GDAP1: variants seen among roughly 807,000 people sequenced by gnomAD.
GDAP1 encodes the protein ganglioside induced differentiation associated protein 1.
In GDAP1, 34 loss-of-function variants were observed where a neutral mutation model predicts 40.1. The ratio of observed to expected loss-of-function variants is 0.85; its 90% CI spans 0.64 to 1.13. The LOEUF (loss-of-function observed/expected upper bound fraction) is 1.13. Ranked by LOEUF, GDAP1 falls within the 50% of genes most tolerant of loss-of-function variation. The pLI is 0.00. For missense variants in GDAP1, 374 were observed against 433.7 expected (o/e 0.86, Z 1.22); for synonymous variants, 170 against 157.4 (o/e 1.08, Z -0.60).
intron 2 of GDAP1, among the ~76,000 whole-genome samples, chr8:74,354,444 A>G (rs10504576): frequency 0.47 from 71,457 of 152,100 alleles, 16,790 homozygotes; most frequent in Middle Eastern, 0.54. Context: ...AATGATTTGA[A>G]TAGACATGGA....
At chr8:74,460,266 C>G (rs138697645) in intron 2 of GDAP1, among the ~76,000 whole-genome samples, 1 of 152,276 alleles carries the variant, frequency 6.6e-6, no homozygotes, top group Non-Finnish European at 1.5e-5. Context: ...GTTGATCAAG[C>G]ATTTGTTGAT....
intron 2 of GDAP1, among the ~76,000 whole-genome samples, chr8:74,437,310 G>T (rs1353371513): frequency 1.3e-5 from 2 of 152,124 alleles, no homozygotes; most frequent in East Asian, 3.8e-4. Context: ...TAAGTGACTT[G>T]CTTGTTGAAG....
chr8:74,450,685 A>AT (rs1178919418), intron 2 of GDAP1, among the ~76,000 whole-genome samples: 1 of 20,182 alleles, frequency 5.0e-5, no homozygotes, highest in Non-Finnish European at 9.8e-5. Flanking sequence ...TCTGTAAAGT[A>AT]TATATCTTGT....
At chr8:74,399,054 C>T (rs1201295860) in intron 2 of GDAP1, among the ~76,000 whole-genome samples, 2 of 152,022 alleles carry the variant, frequency 1.3e-5, no homozygotes, top group Non-Finnish European at 2.9e-5. Flanking sequence ...CAGGATGATA[C>T]TGGCCTCATA....
intron 2 of GDAP1, among the ~76,000 whole-genome samples, chr8:74,411,652 T>C (rs1318622766): frequency 6.8e-6 from 1 of 146,592 alleles, no homozygotes; most frequent in East Asian, 2.0e-4. Flanking sequence ...GAGTCCAAGG[T>C]GGGAAGATCG....
intron 2 of GDAP1, among the ~76,000 whole-genome samples, chr8:74,354,462 C>T (rs1266827113): frequency 1.3e-5 from 2 of 152,066 alleles, no homozygotes; most frequent in East Asian, 3.8e-4. Context: ...GGAAGAAATA[C>T]GATTACATTT....
intron 2 of GDAP1, among the ~76,000 whole-genome samples, chr8:74,470,938 C>T (rs1306786810): frequency 6.6e-6 from 1 of 152,206 alleles, no homozygotes; most frequent in African/African-American, 2.4e-5. Context: ...TTAATGATCG[C>T]CATTCTAACT....
At chr8:74,430,070 T>C (rs1806006769) in intron 2 of GDAP1, among the ~76,000 whole-genome samples, 1 of 152,142 alleles carries the variant, frequency 6.6e-6, no homozygotes, top group Admixed American at 6.5e-5. Context: ...ATATGACTTA[T>C]AGCCATATAA....
rs576453916 is a variant in GDAP1 at position 74,407,505 on chromosome 8, A to C, written c.165+56184A>C. Among the ~76,000 whole-genome samples the C allele has an allele frequency of 4.0e-5, 6 of 149,700 alleles. No individual in the cohort carries two copies. In the South Asian group the frequency reaches 1.2e-3, roughly 31 times the overall value. ...GGCCTCCACCTTTCTCCCGTGCTGG[A>C]TGCTTCCTGCCCTTGAACATCAGAC... On this transcript the variant is annotated intron_variant, in intron 2 of 2. Transcript: ENST00000523640.
Position 74,364,046 on chromosome 8 carries a change from T to C in GDAP1, c.756T>C (p.Ala252=), listed in dbSNP as rs1022239867. Residue 252 remains alanine, a synonymous_variant, in exon 6 of 6, where the codon GCT becomes GCC. Transcript: ENST00000220822. Reference sequence around the variant, plus strand: ...TCACCCTGGCAGACGTCTCACTCGCTGTCACATTGCATCGACTGAAGTTCC... The same window carrying C: ...TCACCCTGGCAGACGTCTCACTCGCCGTCACATTGCATCGACTGAAGTTCC... The part of the protein sequence containing the change: ...ESFTLADVSL[A]VTLHRLKFLG... 1.2e-6 allele frequency: 2 copies of C among 1,614,008 alleles called. No homozygotes were observed. The highest frequency in any genetic ancestry group is 3.3e-5 in the Admixed American group (2 of 60,010).
At chr8:74,402,378 C>T (rs1461539516) in intron 2 of GDAP1, among the ~76,000 whole-genome samples, 2 of 150,474 alleles carry the variant, frequency 1.3e-5, no homozygotes, top group Admixed American at 6.6e-5. Flanking sequence ...ATATAATCTC[C>T]TGGTGCACCG....
intron 2 of GDAP1, among the ~76,000 whole-genome samples, chr8:74,399,836 C>A (rs1273061923): frequency 7.2e-6 from 1 of 139,504 alleles, no homozygotes; most frequent in East Asian, 2.0e-4. Flanking sequence ...GCAGGTTGTT[C>A]AGTTTCCATG....
At chr8:74,435,167 C>A (rs1278969706) in intron 2 of GDAP1, among the ~76,000 whole-genome samples, 1 of 152,156 alleles carries the variant, frequency 6.6e-6, no homozygotes, top group Admixed American at 6.5e-5. Context: ...TCTTTCAAAG[C>A]ATTAGGTTAT....
At chr8:74,393,534 A>T (rs1263824030) in intron 2 of GDAP1, among the ~76,000 whole-genome samples, 1 of 152,184 alleles carries the variant, frequency 6.6e-6, no homozygotes, top group African/African-American at 2.4e-5. Context: ...AATGATAATG[A>T]CTATTTTGGG....
rs1165049500 is a variant in GDAP1, at chr8:74,450,972, A to C, written c.166-37706A>C. 2.0e-4 allele frequency among the ~76,000 whole-genome samples: 16 copies of C among 81,824 alleles called. 7 individuals are homozygous for C. Among genetic ancestry groups the C allele is most frequent in the Non-Finnish European group, 4.9e-5 (2 of 40,796 alleles). 53.7% of individuals were successfully genotyped at this position (81,824 alleles called of 152,430 possible). On this transcript the variant is annotated intron_variant, in intron 2 of 2. Transcript: ENST00000523640. The stretch of plus-strand genomic sequence containing the variant: ...ATTACTTTTTTACTGTTTTCTTTAG[A>C]GATTACCAATGCCTCTTTGCTGATT...
chr8:74,463,428 T>C (rs536312505), intron 2 of GDAP1, among the ~76,000 whole-genome samples: 18 of 150,228 alleles, frequency 1.2e-4, no homozygotes, highest in Admixed American at 4.0e-4. Context: ...ACCACTGCAC[T>C]CCAGCTTGGG....
intron 2 of GDAP1, among the ~76,000 whole-genome samples, chr8:74,424,219 G>A (rs993360111): frequency 6.6e-6 from 1 of 152,008 alleles, no homozygotes; most frequent in Admixed American, 6.6e-5. Context: ...TTGTTATACT[G>A]TATTGTTTAG....
chr8:74,399,561 C>G (rs1810281649), intron 2 of GDAP1, among the ~76,000 whole-genome samples: 1 of 143,684 alleles, frequency 7.0e-6, no homozygotes, highest in African/African-American at 2.9e-5. Flanking sequence ...CAGTTCTGCT[C>G]TGATTTTAGT....
Position 74,373,617 on chromosome 8 carries a change from G to C in GDAP1, c.165+22296G>C, listed in dbSNP as rs144808824. On this transcript the variant is annotated intron_variant, in intron 2 of 2. Transcript: ENST00000523640. ...TTTGCACATTGATTTTATATCCTCA[G>C]ACTTTACTGAAGTTGCTTATCAGCT... Among the ~76,000 whole-genome samples, 784 of 152,308 alleles carry C rather than the reference G, an allele frequency of 5.1e-3. 7 individuals are homozygous for C. The highest frequency in any genetic ancestry group is 0.017 in the African/African-American group (726 of 41,554).
Sources: allele counts gnomAD v4.1 joint callset (sites outside exome capture counted in the v4.1 genomes callset), GRCh38; gene constraint gnomAD v4.1.1; transcripts MANE v1.5; gene names NCBI Gene and HGNC (gene_info 2026-07-23, HGNC 2026-07-21).